OPCML: variants seen among roughly 807,000 people sequenced by gnomAD.
OPCML encodes the protein opioid binding protein/cell adhesion molecule like.
OPCML carries 13 observed loss-of-function variants against 37.8 expected under a neutral mutation model. The observed-to-expected ratio is 0.34, with a 90% confidence interval of 0.22 to 0.55. OPCML has a LOEUF of 0.55. OPCML is among the 20% of genes least tolerant of loss of function. The pLI is 0.91. For synonymous variants in OPCML, 176 were observed against 168.8 expected (o/e 1.04, Z -0.33); for missense variants, 341 against 435.6 (o/e 0.78, Z 1.93).
intron 1 of OPCML, among the ~76,000 whole-genome samples, chr11:133,386,053 G>A (rs928334031): frequency 1.3e-5 from 2 of 152,170 alleles, no homozygotes; most frequent in African/African-American, 2.4e-5. Context: ...CCATTAGAGC[G>A]GGAGAGGGGA....
chr11:132,649,697 C>T (rs912084605), intron 3 of OPCML, among the ~76,000 whole-genome samples: 3 of 152,082 alleles, frequency 2.0e-5, no homozygotes, highest in African/African-American at 7.3e-5. Flanking sequence ...ATATACACCT[C>T]AAACATTGAA....
chr11:133,042,068 C>G (rs888733181), intron 1 of OPCML, among the ~76,000 whole-genome samples: 1 of 152,162 alleles, frequency 6.6e-6, no homozygotes, highest in African/African-American at 2.4e-5. Flanking sequence ...TGCTTATTCC[C>G]TCTCTGGACA....
intron 1 of OPCML, among the ~76,000 whole-genome samples, chr11:133,132,770 A>G (rs958119499): frequency 6.6e-6 from 1 of 152,104 alleles, no homozygotes; most frequent in Non-Finnish European, 1.5e-5. Flanking sequence ...TACATTCTCT[A>G]TAATTCTATT....
rs117455381 is a variant in OPCML, at chr11:133,157,384, G to A, written c.62-214374C>T. ...TGCTAGCAGGGCTGGGCTGCCTCCT[G>A]CAGGCTCCCAGAGGGGACACAACGT... On this transcript the variant is annotated intron_variant, in intron 1 of 7. Transcript: ENST00000524381. 8.3e-3 allele frequency among the ~76,000 whole-genome samples: 1,264 copies of A among 152,296 alleles called. 5 individuals are homozygous for A. Among genetic ancestry groups the A allele is most frequent in the Non-Finnish European group, 0.014 (935 of 68,014 alleles).
At chr11:133,195,337 T>A (rs1312975450) in intron 1 of OPCML, among the ~76,000 whole-genome samples, 1 of 152,200 alleles carries the variant, frequency 6.6e-6, no homozygotes, top group East Asian at 1.9e-4. Context: ...CAATAAATGC[T>A]CATTGGAGGC....
intron 2 of OPCML, among the ~76,000 whole-genome samples, chr11:132,785,480 ATTTCCATAAAATAGCCACAAATAT>A (rs1160521921): frequency 1.3e-5 from 2 of 152,244 alleles, no homozygotes; most frequent in Admixed American, 1.3e-4. Context: ...TTGCAGAAAT[ATTTCCATAAAATAGCCACAAATAT>A]ACTTCTTTCT....
At chr11:132,479,646 C>G (rs923949151) in intron 4 of OPCML, among the ~76,000 whole-genome samples, 1 of 152,202 alleles carries the variant, frequency 6.6e-6, no homozygotes, top group East Asian at 1.9e-4. Flanking sequence ...TTGAAGAGAG[C>G]AGTGGTTCTC....
chr11:132,780,634 G>A (rs968743007), intron 2 of OPCML, among the ~76,000 whole-genome samples: 2 of 152,334 alleles, frequency 1.3e-5, no homozygotes, highest in Non-Finnish European at 2.9e-5. Flanking sequence ...GTAGAGGAAT[G>A]TAACAGGTAA....
At chr11:132,669,874 G>T (rs142546353) in intron 2 of OPCML, among the ~76,000 whole-genome samples, 1 of 152,118 alleles carries the variant, frequency 6.6e-6, no homozygotes, top group Non-Finnish European at 1.5e-5. Flanking sequence ...TGAAGGTATA[G>T]CTCTCACACC....
chr11:132,642,484 T>C (rs77985078), intron 3 of OPCML, among the ~76,000 whole-genome samples: 9,649 of 152,288 alleles, frequency 0.063, 550 homozygotes, highest in African/African-American at 0.16. Context: ...AGTTATTCCA[T>C]TGTTATCCAC....
intron 1 of OPCML, among the ~76,000 whole-genome samples, chr11:133,462,296 G>A (rs1220166849): frequency 2.0e-5 from 3 of 151,904 alleles, no homozygotes; most frequent in Admixed American, 6.6e-5. Flanking sequence ...TAATTTTTTC[G>A]ATATGAAACC....
rs1296366077 is a variant in OPCML, at chr11:132,764,388, A to G, written c.147-107069T>C. 3.3e-5 allele frequency among the ~76,000 whole-genome samples: 5 copies of G among 152,132 alleles called. No homozygotes were observed. In the East Asian group the frequency reaches 9.7e-4, roughly 29 times the overall value. On this transcript the variant is annotated intron_variant, in intron 2 of 7. Coordinates refer to ENST00000524381, the MANE Select transcript of OPCML (RefSeq NM_001012393.5). Reference sequence around the variant, plus strand: ...TACTCATCCTACCTGCTGGGGAAGTAATCTTCCCTAAGATTGGTGGCATTC... The same window carrying G: ...TACTCATCCTACCTGCTGGGGAAGTGATCTTCCCTAAGATTGGTGGCATTC...
At chr11:132,782,927 A>ATATATATATATATATGTG (rs1195208561) in intron 2 of OPCML, among the ~76,000 whole-genome samples, 1 of 146,134 alleles carries the variant, frequency 6.8e-6, no homozygotes, top group Non-Finnish European at 1.5e-5. Flanking sequence ...GTATATATAT[A>ATATATATATATATATGTG]TATATATATA....
chr11:132,567,602 C>A (rs1028297021), intron 3 of OPCML, among the ~76,000 whole-genome samples: 9 of 152,068 alleles, frequency 5.9e-5, no homozygotes, highest in African/African-American at 2.2e-4. Context: ...CAGGGGGAGG[C>A]AAGGTCATAA....
intron 1 of OPCML, among the ~76,000 whole-genome samples, chr11:133,233,290 C>T (rs143709271): frequency 6.6e-6 from 1 of 152,230 alleles, no homozygotes; most frequent in African/African-American, 2.4e-5. Context: ...CCAAATATGC[C>T]ACTTTGGCCT....
rs1011729041 is a variant in OPCML, at chr11:132,894,215, T to C, written c.146+48711A>G. 1.2e-4 allele frequency among the ~76,000 whole-genome samples: 19 copies of C among 152,232 alleles called. 1 individual carries two copies. Among genetic ancestry groups the C allele is most frequent in the African/African-American group, 4.1e-4 (17 of 41,476 alleles). ...TTACACTAGGTCTTTTATCAGTCAT[T>C]ATACCTGACTTACAAGCAAGCACTT... On this transcript the variant is annotated intron_variant, in intron 2 of 7. Coordinates refer to ENST00000524381, the MANE Select transcript of OPCML (RefSeq NM_001012393.5).
At chr11:133,334,938 G>A (rs1943710074) in intron 1 of OPCML, among the ~76,000 whole-genome samples, 1 of 152,198 alleles carries the variant, frequency 6.6e-6, no homozygotes, top group Non-Finnish European at 1.5e-5. Context: ...ACCTACTGGT[G>A]CGCTCCATGG....
chr11:132,744,512 G>C (rs552525120), intron 2 of OPCML, among the ~76,000 whole-genome samples: 1 of 152,170 alleles, frequency 6.6e-6, no homozygotes, highest in Non-Finnish European at 1.5e-5. Flanking sequence ...TGCTAGCCAG[G>C]CTGCTGTAAG....
At chr11:132,944,667 G>A (rs993202273) in intron 1 of OPCML, among the ~76,000 whole-genome samples, 2 of 152,214 alleles carry the variant, frequency 1.3e-5, no homozygotes, top group African/African-American at 2.4e-5. Context: ...AAGCGGCGCC[G>A]CAGTGGTGCT....
Sources: allele counts gnomAD v4.1 joint callset (sites outside exome capture counted in the v4.1 genomes callset), GRCh38; gene constraint gnomAD v4.1.1; transcripts MANE v1.5; gene names NCBI Gene and HGNC (gene_info 2026-07-23, HGNC 2026-07-21).